TLCD4: variants seen among roughly 807,000 people sequenced by gnomAD.
The protein encoded by TLCD4 is TLC domain-containing protein 4.
TLCD4 carries 7 observed loss-of-function variants against 24.2 expected under a neutral mutation model. The observed-to-expected ratio is 0.29, with a 90% CI of 0.16 to 0.54. TLCD4 has a LOEUF of 0.54. TLCD4 is among the 20% of genes least tolerant of loss of function. The pLI is 0.95. For synonymous variants in TLCD4, 103 were observed against 106.4 expected, an observed-to-expected ratio of 0.97 and a Z score of 0.20; for missense variants, 259 against 313.9, an observed-to-expected ratio of 0.82 and a Z score of 1.32.
At chr1:95,188,759 A>C (rs527564768) in intron 6 of TLCD4, among the ~76,000 whole-genome samples, 1 of 152,220 alleles carries the variant, frequency 6.6e-6, no homozygotes, top group African/African-American at 2.4e-5. Context: ...TCTGGCCCTA[A>C]ATGATACTCT....
intron 3 of TLCD4, among the ~76,000 whole-genome samples, chr1:95,149,892 T>A (rs1282211207): frequency 1.3e-5 from 2 of 152,206 alleles, no homozygotes. Context: ...GCACAACTTG[T>A]GCTAAATCTT....
At chr1:95,099,080 AG>A in the TLCD4 span, among the ~76,000 whole-genome samples, 1 of 143,690 alleles carries the variant, frequency 7.0e-6, no homozygotes, top group Non-Finnish European at 1.5e-5. Flanking sequence ...AAAAAAGAAC[AG>A]GGTAATGATG....
chr1:95,151,650 C>A (rs12057931), intron 5 of TLCD4, among the ~76,000 whole-genome samples: 18,120 of 152,124 alleles, frequency 0.12, 1,075 homozygotes, highest in Middle Eastern at 0.17. Context: ...TTGAGACAGA[C>A]AAATGACCCT....
intron 1 of TLCD4, among the ~76,000 whole-genome samples, chr1:95,131,604 A>C (rs1217642933): frequency 6.6e-6 from 1 of 152,248 alleles, no homozygotes; most frequent in Non-Finnish European, 1.5e-5. Flanking sequence ...GTTTGGAGAC[A>C]GTCCAGAAAT....
At chr1:95,181,454 C>T (rs756481484) in intron 6 of TLCD4, among the ~76,000 whole-genome samples, 9 of 151,886 alleles carry the variant, frequency 5.9e-5, no homozygotes, top group Non-Finnish European at 1.3e-4. Flanking sequence ...CAAAATATAC[C>T]AAGAGGTAGT....
At chr1:95,141,739 A>G (rs1677201859) in intron 1 of TLCD4, among the ~76,000 whole-genome samples, 1 of 151,304 alleles carries the variant, frequency 6.6e-6, no homozygotes, top group African/African-American at 2.4e-5. Flanking sequence ...AAAGAGCAGT[A>G]AAGTTAATGG....
chr1:95,123,365 A>ATCC (rs1676622607), intron 1 of TLCD4, among the ~76,000 whole-genome samples: 1 of 152,190 alleles, frequency 6.6e-6, no homozygotes, highest in African/African-American at 2.4e-5. Flanking sequence ...ATAAGGATGA[A>ATCC]AGGGTGAGGC....
At chr1:95,114,042 TA>T (rs1207899961), upstream of TLCD4, among the ~76,000 whole-genome samples, 3 of 152,288 alleles carry the variant, frequency 2.0e-5, no homozygotes, top group East Asian at 5.8e-4. Context: ...AAAGTACTTT[TA>T]AAAAAACCTT....
chr1:95,100,631 A>C, the TLCD4 span, among the ~76,000 whole-genome samples: 1 of 150,498 alleles, frequency 6.6e-6, no homozygotes, highest in Admixed American at 6.6e-5. Flanking sequence ...TTTAGAGGAC[A>C]CCTTCCAGAT....
the TLCD4 span, among the ~76,000 whole-genome samples, chr1:95,096,753 C>G: frequency 1.3e-5 from 2 of 152,158 alleles, no homozygotes; most frequent in African/African-American, 4.8e-5. Flanking sequence ...TGTGCTATCT[C>G]CTTTCTGCTC....
intron 1 of TLCD4, among the ~76,000 whole-genome samples, chr1:95,126,167 C>T (rs868028341): frequency 6.6e-6 from 1 of 151,912 alleles, no homozygotes; most frequent in Non-Finnish European, 1.5e-5. Context: ...TGGCTCATGC[C>T]TCTAATCCCA....
At chr1:95,150,068 C>A (rs1677450713) in intron 3 of TLCD4, 140 bp from the exon 4 acceptor site, 1 of 1,214,840 alleles carries the variant, frequency 8.2e-7, no homozygotes. Context: ...GTGTGTTTTG[C>A]AATTTTATTT....
At chr1:95,162,969 A>G (rs1677876963) in intron 5 of TLCD4, among the ~76,000 whole-genome samples, 2 of 152,164 alleles carry the variant, frequency 1.3e-5, no homozygotes, top group South Asian at 4.2e-4. Context: ...TGAATCTGAC[A>G]ATTATGTGTC....
At chr1:95,182,156 T>C (rs1678668009) in intron 6 of TLCD4, among the ~76,000 whole-genome samples, 1 of 152,206 alleles carries the variant, frequency 6.6e-6, no homozygotes. Flanking sequence ...TCAGATTTTG[T>C]TGTTGGTATC....
the TLCD4 span, among the ~76,000 whole-genome samples, chr1:95,111,984 G>A: frequency 2.6e-5 from 4 of 152,100 alleles, no homozygotes; most frequent in African/African-American, 9.7e-5. Flanking sequence ...TAGAAAGTTC[G>A]GTGGAAGATA....
chr1:95,151,487 A>T, intron 5 of TLCD4, 68 bp downstream of exon 5: 1 of 1,544,198 alleles, frequency 6.5e-7, no homozygotes, highest in Non-Finnish European at 8.8e-7. Context: ...AAAGGTGAAC[A>T]TAAATCTAAA....
At chr1:95,118,207 G>C (rs181355340) in intron 1 of TLCD4, 1 of 152,326 alleles carries the variant, frequency 6.6e-6, no homozygotes, top group Admixed American at 6.5e-5. Flanking sequence ...AGTGGGAAGG[G>C]ACCAGGCGTA....
rs748287867 is a variant in TLCD4, at chr1:95,148,811, A to G, written c.245+20A>G. 2.6e-5 allele frequency: 42 copies of G among 1,604,482 alleles called. No homozygotes were observed. In the Admixed American group the frequency reaches 7.1e-4, roughly 27 times the overall value. On this transcript the variant is annotated intron_variant, in intron 3 of 6. Coordinates refer to ENST00000370203, the MANE Select transcript of TLCD4 (RefSeq NM_152487.3). ...ACTTTGGTAAGCTGTTTCTTTTTCT[A>G]AGATTGCCAATTTCATTTATGTTTT...
At chr1:95,104,968 G>A in the TLCD4 span, among the ~76,000 whole-genome samples, 3 of 152,138 alleles carry the variant, frequency 2.0e-5, no homozygotes, top group East Asian at 1.9e-4. Context: ...GCTGCCGTGC[G>A]CCCTGATCAC....
Sources: allele counts gnomAD v4.1 joint callset (sites outside exome capture counted in the v4.1 genomes callset), GRCh38; gene constraint gnomAD v4.1.1; transcripts MANE v1.5; gene names NCBI Gene and HGNC (gene_info 2026-07-23, HGNC 2026-07-21).